NCOR2: variants seen among roughly 807,000 people sequenced by gnomAD.
NCOR2 encodes nuclear receptor corepressor 2, also known as CTG repeat protein 26.
NCOR2 carries 81 observed loss-of-function variants against 262.9 expected under a neutral mutation model. That is an observed-to-expected ratio of 0.31 (90% confidence interval 0.26 to 0.37). The LOEUF is 0.37. Ranked by LOEUF, NCOR2 falls within the 10% of genes least tolerant of loss-of-function variation. NCOR2 has a pLI of 1.00. For missense variants in NCOR2, 3,385 were observed against 3,621.4 expected (o/e 0.93, Z 1.68); for synonymous variants, 1,659 against 1,559.3 (o/e 1.06, Z -1.51).
intron 17 of NCOR2, among the ~76,000 whole-genome samples, chr12:124,381,837 G>A (rs1207114757): frequency 6.6e-6 from 1 of 152,248 alleles, no homozygotes; most frequent in Admixed American, 6.5e-5. Context: ...ACAGATGGGA[G>A]AAAAGGGTAA....
chr12:124,347,786 C>T (rs780463234), intron 30 of NCOR2, 39 bp downstream of exon 32: 2 of 1,546,546 alleles, frequency 1.3e-6, no homozygotes, highest in African/African-American at 1.4e-5. Flanking sequence ...GACTGTACAC[C>T]CGTTGGGGGC....
chr12:124,326,199 G>T lies in NCOR2; in HGVS notation c.7355C>A (p.Ser2452Ter). Residue 2452 changes from serine to a stop codon, truncating the protein, a stop_gained, in exon 46 of 47, where the codon TCG becomes TAG. Transcript: ENST00000405201. LOFTEE classifies it high-confidence loss of function. ...CCCCACCTGGTGCCCACCTGCGGACGAGGGCCTGTCCTCCCACACGCGGTT... is the reference window on the plus strand; with the variant it reads ...CCCCACCTGGTGCCCACCTGCGGACTAGGGCCTGTCCTCCCACACGCGGTT... 1 of 1,529,422 alleles carries T rather than the reference G, an allele frequency of 6.5e-7. No homozygotes were observed. 94.7% of individuals were successfully genotyped at this position (1,529,422 alleles called of 1,614,324 possible).
chr12:124,355,663 T>A, intron 23 of NCOR2, 92 bp from the exon 26 acceptor site: 1 of 1,442,338 alleles, frequency 6.9e-7, no homozygotes, highest in Non-Finnish European at 9.1e-7. Flanking sequence ...CTCTTCCCTG[T>A]CCTGGCCAGG....
At chr12:124,520,968 G>A (rs1446574335) in intron 1 of NCOR2, among the ~76,000 whole-genome samples, 2 of 152,186 alleles carry the variant, frequency 1.3e-5, no homozygotes, top group South Asian at 2.1e-4. Context: ...AAAGGGGCAG[G>A]GGGACCTTAA....
At chr12:124,346,507 C>T (rs1302286914) in intron 31 of NCOR2, 57 bp downstream of exon 33, 2 of 1,438,756 alleles carry the variant, frequency 1.4e-6, no homozygotes, top group Admixed American at 2.6e-5. Context: ...GGCAGTGCCC[C>T]ACAGCCACCG....
intron 1 of NCOR2, among the ~76,000 whole-genome samples, chr12:124,524,582 C>CA (rs1354238035): frequency 6.6e-6 from 1 of 152,234 alleles, no homozygotes. Context: ...ATTGTTTGAG[C>CA]ACCTAGATCC....
At chr12:124,355,398 C>T in intron 24 of NCOR2, 34 bp downstream of exon 26, 1 of 1,609,580 alleles carries the variant, frequency 6.2e-7, no homozygotes, top group Non-Finnish European at 8.5e-7. Flanking sequence ...GATAAGAAGA[C>T]TAAGCCCCCA....
rs116215467 is a variant in NCOR2, at chr12:124,564,357, G to A, written c.-165+2951C>T. On this transcript the variant is annotated intron_variant, in intron 1 of 32. Transcript: ENST00000458234. ...GCAGCTCAAGCTTGGGGCCCTCCTT[G>A]CCCCTCCCCTGGGCACCTCAGGCAG... Among the ~76,000 whole-genome samples the A allele has an allele frequency of 5.7e-3, 874 of 152,236 alleles. 7 individuals carry two copies. The highest frequency in any genetic ancestry group is 0.02 in the African/African-American group (825 of 41,528).
exon 37 of NCOR2, chr12:124,340,168 C>A: frequency 6.5e-7 from 1 of 1,535,622 alleles, no homozygotes. Context: ...GCTGCTGCCC[C>A]CACCCCCGCC....
At chr12:124,507,430 C>T (rs1401161983) in intron 1 of NCOR2, among the ~76,000 whole-genome samples, 7 of 152,126 alleles carry the variant, frequency 4.6e-5, no homozygotes, top group Admixed American at 2.6e-4. Flanking sequence ...TGTGTTGTTC[C>T]GCGGTGGCCC....
chr12:124,325,550 A>G, exon 47 of NCOR2: 1 of 1,331,300 alleles, frequency 7.5e-7, no homozygotes, highest in Non-Finnish European at 9.7e-7. Flanking sequence ...CTGCAGCCGC[A>G]TGATCAGGGG....
intron 1 of NCOR2, among the ~76,000 whole-genome samples, chr12:124,522,063 C>T (rs918585786): frequency 6.6e-6 from 1 of 152,110 alleles, no homozygotes; most frequent in Admixed American, 6.5e-5. Flanking sequence ...TGAATGCACA[C>T]CACTCCAGCC....
chr12:124,381,777 GC>G (rs2040427382), intron 17 of NCOR2, among the ~76,000 whole-genome samples: 1 of 152,182 alleles, frequency 6.6e-6, no homozygotes, highest in African/African-American at 2.4e-5. Flanking sequence ...CAAGGCTGAG[GC>G]GGACAGAGAC....
intron 20 of NCOR2, among the ~76,000 whole-genome samples, chr12:124,370,430 G>C (rs2039404031): frequency 6.6e-6 from 1 of 152,182 alleles, no homozygotes; most frequent in Non-Finnish European, 1.5e-5. Flanking sequence ...GTGAACCCCA[G>C]GGCAGAGACA....
At chr12:124,470,743 T>C (rs1313887174) in intron 4 of NCOR2, among the ~76,000 whole-genome samples, 2 of 152,262 alleles carry the variant, frequency 1.3e-5, no homozygotes, top group African/African-American at 2.4e-5. Flanking sequence ...AGGTGACAGC[T>C]GCACAACACT....
At chr12:124,396,640 A>C (rs1480058593) in intron 16 of NCOR2, among the ~76,000 whole-genome samples, 1 of 151,996 alleles carries the variant, frequency 6.6e-6, no homozygotes, top group South Asian at 2.1e-4. Flanking sequence ...GAATGGTGCG[A>C]GGGTCTCTCT....
chr12:124,495,974 C>T (rs564304098), upstream of NCOR2, among the ~76,000 whole-genome samples: 1 of 152,262 alleles, frequency 6.6e-6, no homozygotes, highest in South Asian at 2.1e-4. This position sits in a 1 kb window ranked among gnomAD's most constrained non-coding sequence, Gnocchi z 4.4. Context: ...GAGGGCTACA[C>T]CAGGAAGAGC....
At chr12:124,381,889 A>T (rs1326258092) in intron 17 of NCOR2, among the ~76,000 whole-genome samples, 1 of 152,232 alleles carries the variant, frequency 6.6e-6, no homozygotes. Context: ...CGTAGAAGAC[A>T]CTGATGCCAA....
At chr12:124,337,128 T>G (rs1338723249) in exon 38 of NCOR2, 4 of 1,513,134 alleles carry the variant, frequency 2.6e-6, no homozygotes, top group South Asian at 2.6e-5. Context: ...GGGCAGTGGG[T>G]GGCAGGTGGG....
Sources: gnomAD v4.1 joint callset for allele counts (sites outside exome capture counted in the v4.1 genomes callset) on GRCh38, gnomAD v4.1.1 for gene constraint, Gnocchi (gnomAD v3.1) non-coding constraint, MANE v1.5 for transcripts, NCBI Gene and HGNC (gene_info 2026-07-23, HGNC 2026-07-21) for gene names.